The following KMT2C variants were observed in gnomAD, a reference collection of about 807,000 sequenced individuals.
KMT2C encodes the protein lysine methyltransferase 2C.
In KMT2C, 88 loss-of-function variants were observed where a neutral mutation model predicts 507.9. The ratio of observed to expected loss-of-function variants is 0.17; its 90% CI spans 0.15 to 0.21. The LOEUF (loss-of-function observed/expected upper bound fraction) is 0.21, where lower values mean the gene tolerates loss of function less well. Ranked by LOEUF, KMT2C falls within the 10% of genes least tolerant of loss-of-function variation. The pLI is 1.00. For missense variants in KMT2C, 4,954 were observed against 5,957.8 expected (o/e 0.83, Z 5.55); for synonymous variants, 2,049 against 2,080.8 (o/e 0.98, Z 0.42).
chr7:152,365,484 C>T (rs951977444), intron 1 of KMT2C, among the ~76,000 whole-genome samples: 2 of 152,142 alleles, frequency 1.3e-5, no homozygotes, highest in Non-Finnish European at 2.9e-5. Flanking sequence ...CCAGCCTGGG[C>T]GGCAGAGTGA....
intron 3 of KMT2C, among the ~76,000 whole-genome samples, chr7:152,325,319 T>G (rs2096817469): frequency 6.6e-6 from 1 of 151,942 alleles, no homozygotes; most frequent in Non-Finnish European, 1.5e-5. Flanking sequence ...CAGCTAATTT[T>G]TGTATTTTTA....
chr7:152,183,903 AAG>A (rs1182221460), intron 34 of KMT2C, among the ~76,000 whole-genome samples: 1 of 150,388 alleles, frequency 6.6e-6, no homozygotes. Flanking sequence ...TCTCAAAAAA[AAG>A]AAAAAGAAAA....
chr7:152,136,729 A>C lies in KMT2C; in HGVS notation c.*103T>G. 2.3e-6 allele frequency: 2 copies of C among 856,776 alleles called. No homozygotes were observed. Among genetic ancestry groups the C allele is most frequent in the Non-Finnish European group, 3.9e-6 (2 of 516,052 alleles). The allele number at this position is 856,776 out of a possible 1,614,324, so 53.1% of individuals were successfully genotyped here. On this transcript the variant is annotated 3_prime_UTR_variant, in exon 59 of 59. Coordinates refer to ENST00000262189, the MANE Select transcript of KMT2C (RefSeq NM_170606.3). ...CCAGAAGCTTTTTCAAAAAGTCATA[A>C]AACAGAAAACAAAAATCTCTTTCTG... is the stretch of plus-strand genomic sequence containing the variant.
rs2129200565 is a variant in KMT2C at position 152,311,925 on chromosome 7, A to C, written c.612T>G (p.Asn204Lys). 6.2e-7 allele frequency: 1 copy of C among 1,603,760 alleles called. No homozygotes were observed. The highest frequency in any genetic ancestry group is 8.5e-7 in the Non-Finnish European group (1 of 1,172,870). ...TGCTTACACTTACACAAGATACTAT[A>C]TTCTGCTGAGGAGATCGTTCTCTGA... ...GQRKERSPQQ[N>K]IVSCVSVSTQ... The change falls in exon 5 of 59, where the codon AAT becomes AAG. Residue 204 changes from asparagine (N) to lysine (K), a missense_variant. Around this residue, in one of 29 missense-constraint regions of KMT2C, gnomAD observed 233 missense variants for 263.6 expected, o/e 0.88. Coordinates refer to ENST00000262189, the MANE Select transcript of KMT2C (RefSeq NM_170606.3).
At chr7:152,255,764 C>A (rs2095650736) in intron 9 of KMT2C, among the ~76,000 whole-genome samples, 1 of 152,176 alleles carries the variant, frequency 6.6e-6, no homozygotes. Flanking sequence ...AGGGCAAAGA[C>A]AGTCTTTTTA....
chr7:152,301,577 C>T (rs1383807609), intron 6 of KMT2C, among the ~76,000 whole-genome samples: 1 of 152,086 alleles, frequency 6.6e-6, no homozygotes, highest in African/African-American at 2.4e-5. Flanking sequence ...ATCCCAGCTA[C>T]TCTAAAGGCT....
intron 21 of KMT2C, 33 bp downstream of exon 21, chr7:152,222,540 A>C (rs578120237): frequency 3.6e-6 from 4 of 1,106,278 alleles, no homozygotes; most frequent in Non-Finnish European, 5.5e-6. Context: ...GTGGTACAAG[A>C]GTGCAGACTC....
chr7:152,179,970 G>A lies in KMT2C; in HGVS notation c.7306C>T (p.Pro2436Ser), dbSNP rs775064367. 6.2e-7 allele frequency: 1 copy of A among 1,614,142 alleles called. No individual in the cohort carries two copies. The highest frequency in any genetic ancestry group is 8.5e-7 in the Non-Finnish European group (1 of 1,180,016). ...CTAATGTTCCCAGGATAGGGAGGTG[G>A]GGGTCTGGTGAAAGCCTGGTTAACA... ...ENVNQAFTRP[P>S]PPYPGNIRSP... The change falls in exon 37 of 59, where the codon CCA (proline) becomes TCA (serine). Residue 2436 changes from proline to serine, a missense_variant. By Grantham distance (74) the Pro-to-Ser change is moderately conservative. Around this residue, in one of 29 missense-constraint regions of KMT2C, gnomAD observed 1,689 missense variants for 1,654.3 expected, o/e 1.02. Transcript: ENST00000262189.
rs2129120206 is a variant in KMT2C, at chr7:152,181,700, G to C, written c.6160C>G (p.Gln2054Glu). The part of the protein sequence containing the change: ...KTPMQPPPSS[Q>E]DPYGSVSQAS... ...TGTGACACTGATCCATAAGGATCCT[G>C]AGAGGATGGAGGAGGTTGCATTGGA... is the stretch of plus-strand genomic sequence containing the variant. Residue 2054 changes from glutamine (Q) to glutamate (E), a missense_variant, in exon 36 of 59, where the codon CAG becomes GAG. Physicochemically the swap from Gln to Glu is conservative, Grantham distance 29. This residue lies in a region of KMT2C where 1,689 missense variants were observed against 1,654.3 expected (regional missense o/e 1.02). Coordinates refer to ENST00000262189, the MANE Select transcript of KMT2C (RefSeq NM_170606.3). 6.2e-7 allele frequency: 1 copy of C among 1,614,188 alleles called. No homozygotes were observed. Among genetic ancestry groups the C allele is most frequent in the Non-Finnish European group, 8.5e-7 (1 of 1,180,034 alleles).
chr7:152,356,897 G>GAATAATAATAATAAT (rs55935930), intron 2 of KMT2C, among the ~76,000 whole-genome samples: 6 of 138,328 alleles, frequency 4.3e-5, no homozygotes, highest in African/African-American at 8.1e-5. Flanking sequence ...AACTCAAAAA[G>GAATAATAATAATAAT]AATAATAATA....
In KMT2C at chr7:152,148,153, C is replaced by A. The variant is rs2129094921; in HGVS notation, c.13774G>T (p.Ala4592Ser). The A allele has an allele frequency of 6.2e-7, 1 of 1,614,120 alleles. No individual in the cohort carries two copies. The highest frequency in any genetic ancestry group is 1.6e-4 in the Middle Eastern group (1 of 6,062). ...CACAGGTAGCGGCAGCGCCTATTGG[C>A]ATAGCGAGTGCTCCAGTACAGCCGG... ...ASRLYWSTRY[A>S]NRRCRYLCSI... The change falls in exon 52 of 59, where the codon GCC (alanine) becomes TCC (serine). Residue 4592 changes from alanine (A) to serine (S), a missense_variant. Ala to Ser is a moderately conservative substitution (Grantham distance 99, BLOSUM62 1). Coordinates refer to ENST00000262189, the MANE Select transcript of KMT2C (RefSeq NM_170606.3). The surrounding 1 kb of genome is among the most constrained non-coding windows in gnomAD (Gnocchi z 7.1).
Position 152,145,238 on chromosome 7 carries a change from T to C in KMT2C, c.14089A>G (p.Met4697Val), listed in dbSNP as rs1318648409. The change falls in exon 54 of 59, where the codon ATG becomes GTG. Residue 4697 changes from methionine to valine, a missense_variant. This residue lies in a region of KMT2C where 221 missense variants were observed against 304.7 expected (regional missense o/e 0.73). Coordinates refer to ENST00000262189, the MANE Select transcript of KMT2C (RefSeq NM_170606.3). ...YTFRYGRNPL[M>V]ELPLAVNPTG... ...GGGTTAACGGCAAGAGGAAGTTCCATGAGAGGATTTCGGCCGTATCGGAAG... is the reference window on the plus strand; with the variant it reads ...GGGTTAACGGCAAGAGGAAGTTCCACGAGAGGATTTCGGCCGTATCGGAAG... 2.5e-6 allele frequency: 4 copies of C among 1,613,996 alleles called. No homozygotes were observed. Among genetic ancestry groups the C allele is most frequent in the Non-Finnish European group, 8.5e-7 (1 of 1,180,004 alleles).
At chr7:152,344,620 A>G (rs2097034833) in intron 2 of KMT2C, among the ~76,000 whole-genome samples, 1 of 151,662 alleles carries the variant, frequency 6.6e-6, no homozygotes, top group Middle Eastern at 3.4e-3. Flanking sequence ...CTAAGGCAAC[A>G]ACTCAAAAAA....
rs2097912639 is a variant in KMT2C at position 152,435,839 on chromosome 7, C to T, written c.-53G>A. ...CCCGGTCCTCCTCCTGGGGGGCTCC[C>T]GCCGCCGCGGCCGCCGCCGCCGCCG... On this transcript the variant is annotated 5_prime_UTR_variant, in exon 1 of 59. Transcript: ENST00000262189. 1 of 1,334,700 alleles carries T rather than the reference C, an allele frequency of 7.5e-7. No homozygotes were observed. The highest frequency in any genetic ancestry group is 1.7e-5 in the South Asian group (1 of 59,360). 82.7% of individuals were successfully genotyped at this position (1,334,700 alleles called of 1,614,324 possible). A position where few individuals can be genotyped will look rare whatever the true frequency, so the allele number is the denominator to read the frequency against.
At chr7:152,343,266 T>C (rs1234874327) in intron 2 of KMT2C, among the ~76,000 whole-genome samples, 4 of 152,062 alleles carry the variant, frequency 2.6e-5, no homozygotes, top group Non-Finnish European at 5.9e-5. Flanking sequence ...ACGTGGGCAA[T>C]GTAAGCAGAG....
At chr7:152,408,507 G>A (rs2097646372) in intron 1 of KMT2C, among the ~76,000 whole-genome samples, 2 of 152,240 alleles carry the variant, frequency 1.3e-5, no homozygotes, top group South Asian at 4.1e-4. Context: ...AGGCCACACA[G>A]CAGGTGAGCG....
At chr7:152,251,853 T>C in intron 11 of KMT2C, 86 bp downstream of exon 11, 3 of 876,668 alleles carry the variant, frequency 3.4e-6, no homozygotes, top group Non-Finnish European at 3.2e-6. Context: ...GGATCCTCTC[T>C]TCCTGATTAA....
Position 152,177,233 on chromosome 7 carries a change from A to C in KMT2C, c.8220T>G (p.Thr2740=). ...VELDTLDNLE[T]NDPNLDDLLR... ...AGAGGTCATCCAGGTTGGGATCATT[A>C]GTTTCCAAATTATCTAAAGTATCCA... Residue 2740 remains threonine, a synonymous_variant, in exon 38 of 59, where the codon ACT becomes ACG. Transcript: ENST00000262189. 6.2e-7 allele frequency: 1 copy of C among 1,613,862 alleles called. No individual in the cohort carries two copies. Among genetic ancestry groups the C allele is most frequent in the Non-Finnish European group, 8.5e-7 (1 of 1,179,880 alleles).
intron 1 of KMT2C, among the ~76,000 whole-genome samples, chr7:152,369,056 C>G (rs1409767869): frequency 6.6e-6 from 1 of 151,800 alleles, no homozygotes; most frequent in Non-Finnish European, 1.5e-5. Flanking sequence ...GGAGCAGTGG[C>G]TCACACCTGT....
Sources: gnomAD v4.1 joint callset for allele counts (sites outside exome capture counted in the v4.1 genomes callset) on GRCh38, gnomAD v4.1.1 for gene constraint, gnomAD v4.1.1 regional missense constraint, Gnocchi (gnomAD v3.1) non-coding constraint, MANE v1.5 for transcripts, NCBI Gene and HGNC (gene_info 2026-07-23, HGNC 2026-07-21) for gene names.